RHBDL3: variants seen among roughly 807,000 people sequenced by gnomAD.
RHBDL3 encodes rhomboid like 3, also known as rhomboid-related protein 3.
RHBDL3 carries 28 observed loss-of-function variants against 48.2 expected under a neutral mutation model. The observed-to-expected ratio is 0.58, with a 90% CI of 0.43 to 0.80. The LOEUF (loss-of-function observed/expected upper bound fraction) is 0.80, where lower values mean the gene tolerates loss of function less well. Among genes scored for constraint, RHBDL3 ranks in the 30% least tolerant of loss-of-function variants. The pLI is 0.00. For synonymous variants in RHBDL3, 208 were observed against 232.3 expected (o/e 0.90, Z 0.95); for missense variants, 464 against 542.7 (o/e 0.85, Z 1.44).
At chr17:32,318,848 T>C (rs2041037195) in intron 8 of RHBDL3, among the ~76,000 whole-genome samples, 1 of 152,124 alleles carries the variant, frequency 6.6e-6, no homozygotes, top group African/African-American at 2.4e-5. Flanking sequence ...TCCGCTTCAA[T>C]TCACGTCCAC....
Position 32,303,253 on chromosome 17 carries a change from G to A in RHBDL3, c.782-2088G>A, listed in dbSNP as rs146414996. Among the ~76,000 whole-genome samples, 66 of 152,260 alleles carry A rather than the reference G, an allele frequency of 4.3e-4. No homozygotes were observed. In the East Asian group the frequency reaches 0.01, roughly 24 times the overall value. On this transcript the variant is annotated intron_variant, in intron 6 of 8. Transcript: ENST00000269051. ...GGGCAGGGGCGAGGGAGTGGACTCT[G>A]GGCCAGTTTGTACAGACCTGCTCTG...
intron 8 of RHBDL3, among the ~76,000 whole-genome samples, chr17:32,316,906 CT>C (rs1207040302): frequency 6.6e-6 from 1 of 151,672 alleles, no homozygotes; most frequent in Non-Finnish European, 1.5e-5. Context: ...GAGCCTCCCC[CT>C]GTCACCCAGG....
At chr17:32,316,660 A>G (rs2150756262) in intron 8 of RHBDL3, among the ~76,000 whole-genome samples, 1 of 151,618 alleles carries the variant, frequency 6.6e-6, no homozygotes, top group African/African-American at 2.4e-5. Context: ...CTGGGACTAC[A>G]CATGTGTGGG....
chr17:32,321,393 C>T lies in RHBDL3; in HGVS notation c.*164C>T. The T allele has an allele frequency of 6.5e-7, 1 of 1,530,014 alleles. No individual in the cohort carries two copies. The highest frequency in any genetic ancestry group is 2.5e-5 in the East Asian group (1 of 40,762). The allele number at this position is 1,530,014 out of a possible 1,614,324, so 94.8% of individuals were successfully genotyped here. On this transcript the variant is annotated 3_prime_UTR_variant, in exon 9 of 9. Transcript: ENST00000269051. ...TTAGATTTGGACACACAGTGGAGAC[C>T]CTTTTCTGAAAGGCATCTGGCGGAG...
At position 32,305,454 on chromosome 17, in the gene RHBDL3, C is replaced by G. The variant is rs767282195; in HGVS notation, c.882+13C>G. On this transcript the variant is annotated intron_variant, in intron 7 of 8. Transcript: ENST00000269051. ...CAACATTGTCATGGTGAGCACCTCC[C>G]GTTCTCAATGTGTCTTTCTGGCCCT... 5 of 1,544,276 alleles carry G rather than the reference C, an allele frequency of 3.2e-6. No individual in the cohort carries two copies. The East Asian group carries it at 1.1e-4, about 35-fold the overall frequency.
At chr17:32,277,747 CTG>C (rs1390180255) in intron 2 of RHBDL3, among the ~76,000 whole-genome samples, 1 of 152,240 alleles carries the variant, frequency 6.6e-6, no homozygotes, top group East Asian at 1.9e-4. Context: ...AACGTGACTG[CTG>C]TGGACTCATA....
Position 32,321,310 on chromosome 17 carries a change from G to T in RHBDL3, c.*81G>T, listed in dbSNP as rs1436068461. 1 of 1,595,044 alleles carries T rather than the reference G, an allele frequency of 6.3e-7. No homozygotes were observed. Among genetic ancestry groups the T allele is most frequent in the Non-Finnish European group, 8.5e-7 (1 of 1,173,520 alleles). Reference sequence around the variant, plus strand: ...CCTGCGAGGTTTCTTCTCATCACCAGCTCAGCTAGGCCGGGCAGACAAGGA... The same window carrying T: ...CCTGCGAGGTTTCTTCTCATCACCATCTCAGCTAGGCCGGGCAGACAAGGA... On this transcript the variant is annotated 3_prime_UTR_variant, in exon 9 of 9. Coordinates refer to ENST00000269051, the MANE Select transcript of RHBDL3 (RefSeq NM_138328.3).
rs767562018 is a variant in RHBDL3 at position 32,288,940 on chromosome 17, T to C, written c.443T>C (p.Ile148Thr). ...HVAYETLPRE[I>T]DRKWYYDSYT... The stretch of plus-strand genomic sequence containing the variant: ...GCCTATGAGACCCTGCCCCGGGAAA[T>C]TGACCGCAAGTGGTACTATGACAGC... Residue 148 changes from isoleucine to threonine, a missense_variant, in exon 4 of 9, where the codon ATT becomes ACT. Coordinates refer to ENST00000269051, the MANE Select transcript of RHBDL3 (RefSeq NM_138328.3). 1.9e-6 allele frequency: 3 copies of C among 1,614,030 alleles called. No homozygotes were observed. Among genetic ancestry groups the C allele is most frequent in the Middle Eastern group, 1.6e-4 (1 of 6,084 alleles).
At chr17:32,315,374 C>G (rs1416192298) in intron 7 of RHBDL3, among the ~76,000 whole-genome samples, 1 of 152,230 alleles carries the variant, frequency 6.6e-6, no homozygotes, top group African/African-American at 2.4e-5. Flanking sequence ...AGGAGTGCCT[C>G]TCAAAGGAAT....
At chr17:32,319,510 C>T (rs1056034205) in intron 8 of RHBDL3, among the ~76,000 whole-genome samples, 8 of 152,058 alleles carry the variant, frequency 5.3e-5, no homozygotes, top group Non-Finnish European at 2.9e-5. Flanking sequence ...TCTTTCATAC[C>T]TCCTTTATCA....
chr17:32,276,899 G>A (rs111229380), intron 2 of RHBDL3, among the ~76,000 whole-genome samples: 5,748 of 95,852 alleles, frequency 0.06, 369 homozygotes, highest in East Asian at 0.19. Flanking sequence ...ACCTTACTCC[G>A]GCCCTAGCAC....
chr17:32,266,372 C>A, intron 1 of RHBDL3, 72 bp downstream of exon 1: 3 of 780,682 alleles, frequency 3.8e-6, no homozygotes, highest in Admixed American at 4.0e-5. Flanking sequence ...TGTCTCGCCC[C>A]ACGCCGGGCA....
At chr17:32,293,087 T>C (rs756210736) in intron 4 of RHBDL3, among the ~76,000 whole-genome samples, 3 of 149,178 alleles carry the variant, frequency 2.0e-5, no homozygotes, top group East Asian at 3.9e-4. Flanking sequence ...AGACAAATAC[T>C]GTATGATTCC....
At chr17:32,304,080 GA>G (rs1286134451) in intron 6 of RHBDL3, among the ~76,000 whole-genome samples, 1 of 152,162 alleles carries the variant, frequency 6.6e-6, no homozygotes, top group East Asian at 1.9e-4. Flanking sequence ...ACACTTAAAT[GA>G]GACCAGAACA....
chr17:32,318,335 A>AG (rs1303614419), intron 8 of RHBDL3, among the ~76,000 whole-genome samples: 241 of 141,500 alleles, frequency 1.7e-3, no homozygotes, highest in African/African-American at 5.7e-3. Context: ...TAAAAAAAAA[A>AG]AAAAGAAAAG....
chr17:32,302,467 G>A (rs966191600), intron 6 of RHBDL3, among the ~76,000 whole-genome samples: 5 of 151,796 alleles, frequency 3.3e-5, no homozygotes, highest in Non-Finnish European at 7.4e-5. Flanking sequence ...AGCGATTCTT[G>A]TGCCTCAGCA....
At chr17:32,291,374 G>C (rs1186660924) in intron 4 of RHBDL3, among the ~76,000 whole-genome samples, 1 of 151,056 alleles carries the variant, frequency 6.6e-6, no homozygotes, top group Admixed American at 6.6e-5. Context: ...TTAGGACCTT[G>C]AGTGTATGAG....
chr17:32,298,484 G>T (rs1214180835), intron 6 of RHBDL3, among the ~76,000 whole-genome samples: 1 of 152,264 alleles, frequency 6.6e-6, no homozygotes, highest in East Asian at 1.9e-4. Context: ...CCACCATGTG[G>T]TAGCTCTCTG....
chr17:32,270,287 T>C (rs2039743493), intron 2 of RHBDL3, among the ~76,000 whole-genome samples: 1 of 151,836 alleles, frequency 6.6e-6, no homozygotes, highest in African/African-American at 2.4e-5. Flanking sequence ...CTAGAACCAG[T>C]CAAGTATCTC....
Sources: gnomAD v4.1 joint callset for allele counts (sites outside exome capture counted in the v4.1 genomes callset) on GRCh38, gnomAD v4.1.1 for gene constraint, MANE v1.5 for transcripts, NCBI Gene and HGNC (gene_info 2026-07-23, HGNC 2026-07-21) for gene names.